KCNMB2: variants seen among roughly 807,000 people sequenced by gnomAD.
The protein encoded by KCNMB2 is calcium-activated potassium channel subunit beta-2.
In KCNMB2, 9 loss-of-function variants were observed where a neutral mutation model predicts 24.5. The ratio of observed to expected loss-of-function variants is 0.37; its 90% CI spans 0.22 to 0.64. The LOEUF is 0.64. KCNMB2 is among the 30% of genes least tolerant of loss of function. The pLI is 0.63. For synonymous variants in KCNMB2, 109 were observed against 104.4 expected (o/e 1.04, Z -0.27); for missense variants, 226 against 284.3 (o/e 0.79, Z 1.47).
intron 1 of KCNMB2, among the ~76,000 whole-genome samples, chr3:178,547,306 T>A (rs1715806645): frequency 6.6e-6 from 1 of 152,238 alleles, no homozygotes; most frequent in Admixed American, 6.5e-5. Flanking sequence ...GTCTCAGGTA[T>A]TCTGTTATAG....
At chr3:178,834,104 A>C (rs1349879698) in intron 4 of KCNMB2, among the ~76,000 whole-genome samples, 19 of 152,172 alleles carry the variant, frequency 1.2e-4, no homozygotes. Flanking sequence ...GTTTGGTGCA[A>C]AAAAAGGAAG....
chr3:178,749,908 G>A (rs959103492), intron 1 of KCNMB2, among the ~76,000 whole-genome samples: 1 of 152,132 alleles, frequency 6.6e-6, no homozygotes, highest in Non-Finnish European at 1.5e-5. Context: ...ATTTTCTTCT[G>A]CTCTTAATTT....
intron 1 of KCNMB2, among the ~76,000 whole-genome samples, chr3:178,708,395 T>C (rs778435434): frequency 2.0e-5 from 3 of 152,148 alleles, no homozygotes; most frequent in African/African-American, 4.8e-5. Flanking sequence ...TTAAAAAACA[T>C]TCTCTCATTT....
chr3:178,813,974 T>C (rs1306309510), intron 2 of KCNMB2, among the ~76,000 whole-genome samples: 1 of 147,168 alleles, frequency 6.8e-6, no homozygotes, highest in Non-Finnish European at 1.5e-5. Flanking sequence ...GTTGTTGTTG[T>C]TGTTGTTGTT....
At chr3:178,618,034 C>T (rs1718778754) in intron 1 of KCNMB2, among the ~76,000 whole-genome samples, 1 of 151,562 alleles carries the variant, frequency 6.6e-6, no homozygotes, top group Non-Finnish European at 1.5e-5. Flanking sequence ...AACTTAGAAT[C>T]ATTTTTATAG....
chr3:178,633,581 G>C (rs1719405839), intron 1 of KCNMB2, among the ~76,000 whole-genome samples: 1 of 152,220 alleles, frequency 6.6e-6, no homozygotes, highest in Non-Finnish European at 1.5e-5. Context: ...GCTGCACACA[G>C]TGGTCACAGG....
intron 1 of KCNMB2, among the ~76,000 whole-genome samples, chr3:178,575,903 C>T (rs1253739031): frequency 6.6e-6 from 1 of 152,042 alleles, no homozygotes; most frequent in Non-Finnish European, 1.5e-5. Context: ...TTTATTTAGC[C>T]TAAGTACATT....
intron 1 of KCNMB2, among the ~76,000 whole-genome samples, chr3:178,657,427 T>C (rs895158390): frequency 6.6e-6 from 1 of 152,234 alleles, no homozygotes; most frequent in South Asian, 2.1e-4. Context: ...TAAACCTATG[T>C]GACCTTGTTC....
Position 178,828,391 on chromosome 3 carries a change from T to C in KCNMB2, c.423+18T>C, listed in dbSNP as rs745640430. The C allele has an allele frequency of 6.3e-6, 10 of 1,585,276 alleles. No homozygotes were observed. Among genetic ancestry groups the C allele is most frequent in the Admixed American group, 1.7e-5 (1 of 59,272 alleles). ...ATCAGAAGGTAGGAACTTGGCGTACTGCATTTCAGTTACCCCACAGAGCTT... is the reference window on the plus strand; with the variant it reads ...ATCAGAAGGTAGGAACTTGGCGTACCGCATTTCAGTTACCCCACAGAGCTT... On this transcript the variant is annotated intron_variant, in intron 4 of 4. Coordinates refer to ENST00000452583, the MANE Select transcript of KCNMB2 (RefSeq NM_181361.3).
chr3:178,677,218 C>T (rs1721100354), intron 1 of KCNMB2, among the ~76,000 whole-genome samples: 1 of 152,204 alleles, frequency 6.6e-6, no homozygotes, highest in Non-Finnish European at 1.5e-5. Context: ...CCCACGCTGA[C>T]CTCAGTTGAC....
chr3:178,540,305 T>A (rs7625491), intron 1 of KCNMB2, among the ~76,000 whole-genome samples: 269 of 152,320 alleles, frequency 1.8e-3, no homozygotes, highest in African/African-American at 6.2e-3. Flanking sequence ...GGCAAGTCAC[T>A]ACCAACTCTC....
At chr3:178,703,083 TGATTAATATTAACAGGAA>T in intron 1 of KCNMB2, among the ~76,000 whole-genome samples, 1 of 152,080 alleles carries the variant, frequency 6.6e-6, no homozygotes, top group African/African-American at 2.4e-5. Flanking sequence ...ATTTGAAGGA[TGATTAATATTAACAGGAA>T]AAAAGGGAAA....
At chr3:178,795,065 T>C (rs1472749298) in intron 1 of KCNMB2, 1 of 152,132 alleles carries the variant, frequency 6.6e-6, no homozygotes, top group Non-Finnish European at 1.5e-5. Context: ...TGATTACATA[T>C]TTGATGTTAA....
chr3:178,652,664 CT>C (rs3052276), intron 1 of KCNMB2, among the ~76,000 whole-genome samples: 107 of 136,930 alleles, frequency 7.8e-4, no homozygotes, highest in South Asian at 2.8e-3. Context: ...TCTCTATATA[CT>C]TTTTTTTTTT....
At chr3:178,649,983 G>A (rs1178141776) in intron 1 of KCNMB2, among the ~76,000 whole-genome samples, 2 of 152,252 alleles carry the variant, frequency 1.3e-5, no homozygotes, top group South Asian at 2.1e-4. Context: ...GGCATTTAGC[G>A]CTATAAATTT....
chr3:178,685,031 C>T (rs1016232347), intron 1 of KCNMB2, among the ~76,000 whole-genome samples: 1 of 152,208 alleles, frequency 6.6e-6, no homozygotes, highest in South Asian at 2.1e-4. Context: ...CTCCCTCCTT[C>T]CTCTTCTACT....
At chr3:178,661,972 T>C (rs758473865) in intron 1 of KCNMB2, among the ~76,000 whole-genome samples, 22 of 152,156 alleles carry the variant, frequency 1.4e-4, no homozygotes, top group Non-Finnish European at 2.4e-4. Flanking sequence ...TCAGAGAAAT[T>C]AGATGAATCA....
At chr3:178,636,396 G>A (rs997923521) in intron 1 of KCNMB2, among the ~76,000 whole-genome samples, 2 of 151,638 alleles carry the variant, frequency 1.3e-5, no homozygotes, top group African/African-American at 2.4e-5. Context: ...AATAACTTAC[G>A]AAAAAAATAA....
chr3:178,652,282 C>T (rs2108560689), intron 1 of KCNMB2, among the ~76,000 whole-genome samples: 1 of 152,100 alleles, frequency 6.6e-6, no homozygotes, highest in South Asian at 2.1e-4. Context: ...AACACATGGA[C>T]ACAGGGAGGG....
Sources: gnomAD v4.1 joint callset for allele counts (sites outside exome capture counted in the v4.1 genomes callset) on GRCh38, gnomAD v4.1.1 for gene constraint, MANE v1.5 for transcripts, NCBI Gene and HGNC (gene_info 2026-07-23, HGNC 2026-07-21) for gene names.